The following GID4 variants were observed in gnomAD, a reference collection of about 807,000 sequenced individuals.
GID4 encodes the protein glucose-induced degradation protein 4 homolog.
In GID4, 7 loss-of-function variants were observed where a neutral mutation model predicts 32.4. That is an observed-to-expected ratio of 0.22 (90% confidence interval 0.12 to 0.41). The LOEUF is 0.41. Among genes scored for constraint, GID4 ranks in the 10% least tolerant of loss-of-function variants. GID4 has a pLI of 1.00. For synonymous variants in GID4, 166 were observed against 170.0 expected, an observed-to-expected ratio of 0.98 and a Z score of 0.18; for missense variants, 309 against 400.0, an observed-to-expected ratio of 0.77 and a Z score of 1.94.
chr17:18,054,093 A>G lies in GID4; in HGVS notation c.499-34A>G, dbSNP rs1413021515. ...TACAAAGGTTAAAAACTCTCACTCA[A>G]CATCTTATTTTGATATTTGGGTTTT... On this transcript the variant is annotated intron_variant, in intron 2 of 5. Transcript: ENST00000268719. 3.7e-5 allele frequency: 45 copies of G among 1,204,712 alleles called. 2 individuals carry two copies. In the Admixed American group the frequency reaches 8.1e-4, roughly 22 times the overall value. The allele number at this position is 1,204,712 out of a possible 1,614,324, so 74.6% of individuals were successfully genotyped here.
intron 2 of GID4, among the ~76,000 whole-genome samples, chr17:18,051,542 G>A (rs2044909710): frequency 6.6e-6 from 1 of 152,000 alleles, no homozygotes; most frequent in South Asian, 2.1e-4. Context: ...CACACGTGGT[G>A]GTGGATACCT....
At chr17:18,062,966 C>T (rs1221604634) in intron 5 of GID4, among the ~76,000 whole-genome samples, 8 of 151,530 alleles carry the variant, frequency 5.3e-5, no homozygotes, top group Admixed American at 3.3e-4. Context: ...CCCAGCTACT[C>T]GGGAGTCTGA....
intron 4 of GID4, among the ~76,000 whole-genome samples, chr17:18,059,952 G>A (rs988726524): frequency 6.6e-6 from 1 of 151,686 alleles, no homozygotes; most frequent in African/African-American, 2.4e-5. Context: ...CGGGCATGTT[G>A]GCATGCCCCT....
intron 2 of GID4, among the ~76,000 whole-genome samples, chr17:18,052,912 A>G (rs1278289914): frequency 2.6e-5 from 4 of 150,988 alleles, no homozygotes; most frequent in African/African-American, 7.3e-5. Flanking sequence ...ACGTATCCCT[A>G]TGTATCAAGG....
Position 18,039,973 on chromosome 17 carries a change from C to T in GID4, c.438+71C>T, listed in dbSNP as rs778674493. The T allele has an allele frequency of 4.7e-6, 6 of 1,275,602 alleles. No individual in the cohort carries two copies. The highest frequency in any genetic ancestry group is 3.1e-5 in the African/African-American group (2 of 64,442). The allele number at this position is 1,275,602 out of a possible 1,614,324, so 79.0% of individuals were successfully genotyped here. A position where few individuals can be genotyped will look rare whatever the true frequency, so the allele number is the denominator to read the frequency against. On this transcript the variant is annotated intron_variant, in intron 1 of 5. Coordinates refer to ENST00000268719, the MANE Select transcript of GID4 (RefSeq NM_024052.5). The surrounding 1 kb of genome is among the most constrained non-coding windows in gnomAD (Gnocchi z 5.3). The stretch of plus-strand genomic sequence containing the variant: ...TCACGGGCCGTGCCCGCTTCGGCTC[C>T]TCGACCCCGCAGCCGCGGAACAGGC...
At chr17:18,057,078 T>G (rs2044975832) in intron 3 of GID4, 1 of 1,520,180 alleles carries the variant, frequency 6.6e-7, no homozygotes, top group South Asian at 1.3e-5. Context: ...GTATTTAAGT[T>G]GCTATTATAG....
chr17:18,053,363 C>T (rs1465889372), intron 2 of GID4, among the ~76,000 whole-genome samples: 1 of 150,532 alleles, frequency 6.6e-6, no homozygotes, highest in Non-Finnish European at 1.5e-5. Flanking sequence ...CTGTAATCCT[C>T]GCACTTTGGG....
intron 2 of GID4, among the ~76,000 whole-genome samples, chr17:18,045,487 T>C (rs1006993762): frequency 6.6e-6 from 1 of 152,100 alleles, no homozygotes; most frequent in African/African-American, 2.4e-5. Context: ...GGGGAAAAAA[T>C]AATAAGAATA....
chr17:18,041,258 G>A (rs756374119), intron 1 of GID4, among the ~76,000 whole-genome samples: 5 of 152,036 alleles, frequency 3.3e-5, no homozygotes, highest in East Asian at 1.9e-4. Flanking sequence ...TATTCCTCAA[G>A]CTCTCCTTTT....
intron 1 of GID4, among the ~76,000 whole-genome samples, chr17:18,040,740 C>T (rs1400985778): frequency 6.6e-6 from 1 of 152,204 alleles, no homozygotes. Flanking sequence ...GATCCTGGTT[C>T]CAGGGGACCC....
At chr17:18,057,213 CCT>C in intron 3 of GID4, 1 of 656,132 alleles carries the variant, frequency 1.5e-6, no homozygotes, top group Non-Finnish European at 2.5e-6. Context: ...AGATGGATCA[CCT>C]GAGGTCAGGA....
chr17:18,040,180 C>T (rs553878929), intron 1 of GID4, among the ~76,000 whole-genome samples: 3 of 152,158 alleles, frequency 2.0e-5, no homozygotes, highest in Admixed American at 2.0e-4. Flanking sequence ...GTCTGGGATC[C>T]GGAAGCCCCT....
chr17:18,050,742 A>G (rs1044916942), intron 2 of GID4, among the ~76,000 whole-genome samples: 6 of 152,234 alleles, frequency 3.9e-5, no homozygotes, highest in African/African-American at 1.4e-4. Flanking sequence ...ATCACCACAC[A>G]GTTTTGGGTG....
intron 3 of GID4, among the ~76,000 whole-genome samples, chr17:18,056,244 C>T (rs566920041): frequency 6.6e-6 from 1 of 152,190 alleles, no homozygotes; most frequent in Non-Finnish European, 1.5e-5. Context: ...CTTTTTAAAG[C>T]GTTTTTTGAA....
chr17:18,054,909 C>T (rs915740662), intron 3 of GID4, among the ~76,000 whole-genome samples: 1 of 151,978 alleles, frequency 6.6e-6, no homozygotes, highest in Non-Finnish European at 1.5e-5. Flanking sequence ...CGTTGGCTTG[C>T]GCCTGTAATC....
chr17:18,061,892 T>G lies in GID4; in HGVS notation c.756T>G (p.Ala252=). The change falls in exon 5 of 6, where the codon GCT becomes GCG. Residue 252 remains alanine (A), a synonymous_variant. Transcript: ENST00000268719. The surrounding 1 kb of genome is among the most constrained non-coding windows in gnomAD (Gnocchi z 4.4). ...ACACGATCAAAGACATCAGTGGTGC[T>G]TCTTTTGCCGGGTTCTACTACATCT... ...PDHTIKDISG[A]SFAGFYYICF... 6.2e-7 allele frequency: 1 copy of G among 1,614,068 alleles called. No homozygotes were observed. The highest frequency in any genetic ancestry group is 1.1e-5 in the South Asian group (1 of 91,080).
At chr17:18,054,101 T>C in intron 2 of GID4, 26 bp from the exon 3 acceptor site, 1 of 1,269,290 alleles carries the variant, frequency 7.9e-7, no homozygotes, top group African/African-American at 1.5e-5. Context: ...CAACATCTTA[T>C]TTTGATATTT....
chr17:18,039,928 C>T lies in GID4; in HGVS notation c.438+26C>T, dbSNP rs1206493797. 4 of 1,346,858 alleles carry T rather than the reference C, an allele frequency of 3.0e-6. No individual in the cohort carries two copies. The highest frequency in any genetic ancestry group is 2.1e-5 in the South Asian group (1 of 46,614). The allele number at this position is 1,346,858 out of a possible 1,614,324, so 83.4% of individuals were successfully genotyped here. On this transcript the variant is annotated intron_variant, in intron 1 of 5. Coordinates refer to ENST00000268719, the MANE Select transcript of GID4 (RefSeq NM_024052.5). The surrounding 1 kb of genome is among the most constrained non-coding windows in gnomAD (Gnocchi z 5.3). ...GTGAGCGCCGGGCCGGGCCGGGGCCCGAGGGCCTCCTCGCGGCGCTCACGG... is the reference window on the plus strand; with the variant it reads ...GTGAGCGCCGGGCCGGGCCGGGGCCTGAGGGCCTCCTCGCGGCGCTCACGG...
chr17:18,063,409 C>T (rs976187960), intron 5 of GID4, among the ~76,000 whole-genome samples: 2 of 150,358 alleles, frequency 1.3e-5, no homozygotes, highest in Non-Finnish European at 3.0e-5. Context: ...GACTGCATCT[C>T]AAAAAAAAAG....
Sources: allele counts gnomAD v4.1 joint callset (sites outside exome capture counted in the v4.1 genomes callset), GRCh38; gene constraint gnomAD v4.1.1; non-coding constraint Gnocchi (gnomAD v3.1); transcripts MANE v1.5; gene names NCBI Gene and HGNC (gene_info 2026-07-23, HGNC 2026-07-21).